The following PCDH9 variants were observed in gnomAD, a reference collection of about 807,000 sequenced individuals.
PCDH9 encodes protocadherin-9.
Under a neutral mutation model 70.6 loss-of-function variants are expected in PCDH9, and 24 were observed. The ratio of observed to expected loss-of-function variants is 0.34; its 90% CI spans 0.25 to 0.48. PCDH9 has a LOEUF of 0.48. Ranked by LOEUF, PCDH9 falls within the 20% of genes least tolerant of loss-of-function variation. PCDH9 has a pLI of 0.99. For missense variants in PCDH9, 1,281 were observed against 1,503.6 expected, an observed-to-expected ratio of 0.85 and a Z score of 2.45; for synonymous variants, 562 against 558.5, an observed-to-expected ratio of 1.01 and a Z score of -0.09.
chr13:66,809,364 C>G (rs138317795), intron 3 of PCDH9, among the ~76,000 whole-genome samples: 2,390 of 152,154 alleles, frequency 0.016, 78 homozygotes, highest in African/African-American at 0.054. Context: ...ATTAATATGA[C>G]AAAACAGGCA....
intron 3 of PCDH9, among the ~76,000 whole-genome samples, chr13:66,799,869 T>C (rs959699615): frequency 6.6e-6 from 1 of 152,048 alleles, no homozygotes; most frequent in Admixed American, 6.6e-5. Context: ...GTTTTGTTGG[T>C]TAAATAATTT....
intron 2 of PCDH9, among the ~76,000 whole-genome samples, chr13:66,950,480 G>A (rs1272236643): frequency 2.6e-5 from 4 of 151,766 alleles, no homozygotes; most frequent in Admixed American, 2.0e-4. Context: ...CTTCATAAAA[G>A]ATATATGTGT....
At chr13:66,959,766 A>G (rs2083316948) in intron 2 of PCDH9, among the ~76,000 whole-genome samples, 2 of 151,050 alleles carry the variant, frequency 1.3e-5, no homozygotes, top group African/African-American at 4.9e-5. Context: ...AAAAAAAAAG[A>G]AAGAAAAAAT....
intron 3 of PCDH9, among the ~76,000 whole-genome samples, chr13:66,674,553 C>A (rs1297672648): frequency 6.6e-6 from 1 of 152,050 alleles, no homozygotes; most frequent in Non-Finnish European, 1.5e-5. Context: ...AAAAACCTTC[C>A]ATTTGCAGTT....
chr13:66,311,840 A>C (rs944372184), intron 4 of PCDH9, among the ~76,000 whole-genome samples: 1 of 152,322 alleles, frequency 6.6e-6, no homozygotes, highest in South Asian at 2.1e-4. Flanking sequence ...AGAGGGTGTG[A>C]ATCTCATTGC....
intron 4 of PCDH9, among the ~76,000 whole-genome samples, chr13:66,390,617 T>A (rs374036437): frequency 6.6e-6 from 1 of 152,054 alleles, no homozygotes; most frequent in East Asian, 1.9e-4. Context: ...AAGCCTGTAG[T>A]CTCAGCTACT....
intron 4 of PCDH9, among the ~76,000 whole-genome samples, chr13:66,610,651 A>G (rs2077282931): frequency 6.6e-6 from 1 of 152,166 alleles, no homozygotes; most frequent in Admixed American, 6.5e-5. Flanking sequence ...ATGACTTAGG[A>G]GAGATTACTG....
At chr13:66,753,535 G>A (rs917001545) in intron 3 of PCDH9, among the ~76,000 whole-genome samples, 1 of 150,634 alleles carries the variant, frequency 6.6e-6, no homozygotes, top group Non-Finnish European at 1.5e-5. Flanking sequence ...AACAAAAAAT[G>A]TGTTACAGGA....
intron 3 of PCDH9, among the ~76,000 whole-genome samples, chr13:66,677,233 A>C (rs2078255992): frequency 6.6e-6 from 1 of 152,130 alleles, no homozygotes; most frequent in African/African-American, 2.4e-5. Flanking sequence ...GGGAAATTTC[A>C]TTTTAGGTAT....
At chr13:66,479,470 T>G (rs377755953) in intron 4 of PCDH9, among the ~76,000 whole-genome samples, 1 of 152,338 alleles carries the variant, frequency 6.6e-6, no homozygotes, top group African/African-American at 2.4e-5. Context: ...CTGGAAAGGA[T>G]TCACCATTCT....
chr13:66,688,499 A>G (rs751056124), intron 3 of PCDH9, among the ~76,000 whole-genome samples: 2 of 152,126 alleles, frequency 1.3e-5, no homozygotes, highest in Non-Finnish European at 2.9e-5. Flanking sequence ...GTTAATATAT[A>G]TTATGCCTGA....
chr13:66,991,033 G>A (rs1238766251), intron 2 of PCDH9: 3 of 151,748 alleles, frequency 2.0e-5, no homozygotes, highest in Admixed American at 6.6e-5. Flanking sequence ...ATATTAGCGG[G>A]TTTTTAGAAA....
At chr13:66,421,345 C>T (rs766403293) in intron 4 of PCDH9, among the ~76,000 whole-genome samples, 11 of 151,976 alleles carry the variant, frequency 7.2e-5, no homozygotes, top group African/African-American at 2.2e-4. Flanking sequence ...AGATACTTCT[C>T]GAGAAGAGCA....
chr13:66,916,363 A>G (rs2082557578), intron 2 of PCDH9, among the ~76,000 whole-genome samples: 1 of 151,586 alleles, frequency 6.6e-6, no homozygotes. Flanking sequence ...ATGGCCATTA[A>G]TAGGGGGAAG....
intron 4 of PCDH9, among the ~76,000 whole-genome samples, chr13:66,535,901 G>T (rs1430979155): frequency 6.6e-6 from 1 of 152,016 alleles, no homozygotes; most frequent in Non-Finnish European, 1.5e-5. Context: ...TTCTCCCCAA[G>T]AATATGATGC....
intron 4 of PCDH9, among the ~76,000 whole-genome samples, chr13:66,508,972 T>A (rs924001766): frequency 6.6e-6 from 1 of 152,156 alleles, no homozygotes; most frequent in Non-Finnish European, 1.5e-5. Flanking sequence ...ACTAACATAA[T>A]GAACATAATG....
At chr13:66,962,234 T>C (rs1257374961) in intron 2 of PCDH9, among the ~76,000 whole-genome samples, 4 of 152,158 alleles carry the variant, frequency 2.6e-5, no homozygotes, top group African/African-American at 9.7e-5. Flanking sequence ...ACTAAGAATT[T>C]TAATCTTCTA....
At chr13:66,669,398 G>A (rs189635509) in intron 3 of PCDH9, among the ~76,000 whole-genome samples, 19 of 152,216 alleles carry the variant, frequency 1.2e-4, no homozygotes, top group Admixed American at 2.6e-4. Flanking sequence ...CTTAAATTGC[G>A]TGTCCTTGGG....
intron 2 of PCDH9, among the ~76,000 whole-genome samples, chr13:67,084,550 A>G (rs932877459): frequency 6.6e-5 from 10 of 152,212 alleles, no homozygotes; most frequent in African/African-American, 2.4e-4. Context: ...GGACTTAACC[A>G]TTAAGTTGCC....
Sources: allele counts gnomAD v4.1 joint callset (sites outside exome capture counted in the v4.1 genomes callset), GRCh38; gene constraint gnomAD v4.1.1; transcripts MANE v1.5; gene names NCBI Gene and HGNC (gene_info 2026-07-23, HGNC 2026-07-21).